The following ERC2 variants were observed in gnomAD, a reference collection of about 807,000 sequenced individuals.
The protein encoded by ERC2 is ELKS/RAB6-interacting/CAST family member 2.
A neutral mutation model predicts 114.8 loss-of-function variants in ERC2; 42 were observed. That is an observed-to-expected ratio of 0.37 (90% CI 0.29 to 0.47). The LOEUF (loss-of-function observed/expected upper bound fraction) is 0.47, where lower values mean the gene tolerates loss of function less well. Ranked by LOEUF, ERC2 falls within the 20% of genes least tolerant of loss-of-function variation. The pLI is 0.99. For missense variants in ERC2, 939 were observed against 1,150.7 expected, an observed-to-expected ratio of 0.82 and a Z score of 2.66; for synonymous variants, 454 against 425.5, an observed-to-expected ratio of 1.07 and a Z score of -0.82.
chr3:56,261,562 C>T (rs1023449372), intron 3 of ERC2, among the ~76,000 whole-genome samples: 8 of 152,156 alleles, frequency 5.3e-5, no homozygotes, highest in Non-Finnish European at 8.8e-5. Flanking sequence ...TGTTCTCACT[C>T]GAGCTTTTCC....
At chr3:56,345,458 T>C (rs1368081165) in intron 2 of ERC2, among the ~76,000 whole-genome samples, 1 of 152,228 alleles carries the variant, frequency 6.6e-6, no homozygotes, top group African/African-American at 2.4e-5. Flanking sequence ...TCACTCTGTC[T>C]GTTCCTGGGA....
chr3:55,958,097 G>A (rs2068089708), intron 12 of ERC2, among the ~76,000 whole-genome samples: 1 of 152,338 alleles, frequency 6.6e-6, no homozygotes, highest in East Asian at 1.9e-4. Flanking sequence ...AAGGTAGAGA[G>A]GAGCTTCACT....
chr3:55,982,223 C>A (rs1436098863), intron 12 of ERC2, among the ~76,000 whole-genome samples: 1 of 152,142 alleles, frequency 6.6e-6, no homozygotes, highest in Non-Finnish European at 1.5e-5. Flanking sequence ...AACAGAACTG[C>A]ACAGGTTTCC....
chr3:56,058,817 C>T (rs2076121628), intron 7 of ERC2, among the ~76,000 whole-genome samples: 1 of 152,154 alleles, frequency 6.6e-6, no homozygotes, highest in African/African-American at 2.4e-5. Context: ...TCACAAAGTC[C>T]CCATAATCAC....
intron 1 of ERC2, among the ~76,000 whole-genome samples, chr3:56,449,421 C>T (rs1029037873): frequency 4.6e-5 from 7 of 152,072 alleles, no homozygotes; most frequent in Admixed American, 4.6e-4. Flanking sequence ...GCCCTCTCGC[C>T]CAAGAGTAAG....
At chr3:56,003,669 T>C (rs1251831466) in intron 10 of ERC2, among the ~76,000 whole-genome samples, 2 of 152,092 alleles carry the variant, frequency 1.3e-5, no homozygotes, top group Admixed American at 6.6e-5. Flanking sequence ...TCAGACTTTA[T>C]TGGATTAACT....
At chr3:55,732,153 A>C (rs184077958) in intron 15 of ERC2, among the ~76,000 whole-genome samples, 6 of 152,260 alleles carry the variant, frequency 3.9e-5, no homozygotes, top group Admixed American at 2.6e-4. Context: ...GCACACACTC[A>C]CATGGTTGCT....
At chr3:55,935,927 A>G (rs141741215) in intron 13 of ERC2, among the ~76,000 whole-genome samples, 214 of 152,318 alleles carry the variant, frequency 1.4e-3, no homozygotes, top group African/African-American at 4.5e-3. Flanking sequence ...CTTGCAGAAA[A>G]TCTCTGTTCA....
intron 17 of ERC2, among the ~76,000 whole-genome samples, chr3:55,544,835 CTCA>C (rs1306516601): frequency 1.3e-5 from 2 of 152,156 alleles, no homozygotes; most frequent in Admixed American, 6.5e-5. Context: ...GGGCTGTTAC[CTCA>C]TCATATCCTC....
In ERC2 at chr3:55,725,085, T is replaced by C. The variant is rs139627528; in HGVS notation, c.2712+9686A>G. Among the ~76,000 whole-genome samples, 238 of 152,342 alleles carry C rather than the reference T, an allele frequency of 1.6e-3. 1 individual carries two copies. The highest frequency in any genetic ancestry group is 2.6e-3 in the Non-Finnish European group (178 of 68,032). On this transcript the variant is annotated intron_variant, in intron 15 of 17. Coordinates refer to ENST00000288221, the MANE Select transcript of ERC2 (RefSeq NM_015576.3). ...GGCATTTGCATGCTATTCCCTGTTT[T>C]GGTCACCTTCAGCTAAGCCTGTTAT...
intron 1 of ERC2, among the ~76,000 whole-genome samples, chr3:56,444,515 A>G (rs2062471456): frequency 6.6e-6 from 1 of 152,206 alleles, no homozygotes. Flanking sequence ...ATGAACCTAT[A>G]AGAATGCTTT....
chr3:55,865,584 A>G (rs2062271360), intron 14 of ERC2, among the ~76,000 whole-genome samples: 2 of 151,992 alleles, frequency 1.3e-5, no homozygotes, highest in Admixed American at 1.3e-4. Context: ...TTCACCCCAA[A>G]CAGAACCCTA....
intron 2 of ERC2, among the ~76,000 whole-genome samples, chr3:56,410,914 T>C (rs1169426386): frequency 1.3e-5 from 2 of 152,128 alleles, no homozygotes; most frequent in African/African-American, 4.8e-5. Flanking sequence ...TGTCCCTCCT[T>C]GCCCAGGATA....
At chr3:56,264,319 G>A (rs1018351832) in intron 3 of ERC2, among the ~76,000 whole-genome samples, 7 of 152,264 alleles carry the variant, frequency 4.6e-5, no homozygotes, top group African/African-American at 1.7e-4. Context: ...AAGGCAGGCT[G>A]GGTGTGGTGG....
chr3:55,684,930 G>C (rs1393094061), intron 16 of ERC2, among the ~76,000 whole-genome samples: 1 of 152,036 alleles, frequency 6.6e-6, no homozygotes, highest in Admixed American at 6.6e-5. Context: ...AAATAACCTG[G>C]AACATTTTCT....
At chr3:55,512,962 A>G (rs1394526437) in intron 17 of ERC2, among the ~76,000 whole-genome samples, 1 of 152,250 alleles carries the variant, frequency 6.6e-6, no homozygotes, top group Non-Finnish European at 1.5e-5. Flanking sequence ...GGGGCAAAGA[A>G]GCATATGCTT....
At chr3:55,749,821 C>T (rs568491682) in intron 14 of ERC2, among the ~76,000 whole-genome samples, 25 of 152,178 alleles carry the variant, frequency 1.6e-4, no homozygotes, top group Non-Finnish European at 3.1e-4. Flanking sequence ...TTGCTACTGC[C>T]CACTCTTTGG....
At chr3:55,796,282 G>C (rs1014085609) in intron 14 of ERC2, among the ~76,000 whole-genome samples, 18 of 152,216 alleles carry the variant, frequency 1.2e-4, no homozygotes, top group African/African-American at 4.3e-4. Flanking sequence ...GCCTTCGGTG[G>C]ACTGCATGAG....
intron 14 of ERC2, among the ~76,000 whole-genome samples, chr3:55,834,225 C>T (rs1452717665): frequency 6.6e-6 from 1 of 152,006 alleles, no homozygotes; most frequent in Non-Finnish European, 1.5e-5. Flanking sequence ...AACAAGGATA[C>T]CCAGGAATTG....
Sources: gnomAD v4.1 joint callset for allele counts (sites outside exome capture counted in the v4.1 genomes callset) on GRCh38, gnomAD v4.1.1 for gene constraint, MANE v1.5 for transcripts, NCBI Gene and HGNC (gene_info 2026-07-23, HGNC 2026-07-21) for gene names.